ABCA4: variants seen among roughly 807,000 people sequenced by gnomAD.
ABCA4 encodes retinal-specific phospholipid-transporting ATPase ABCA4.
In ABCA4, 196 loss-of-function variants were observed where a neutral mutation model predicts 263.7. The observed-to-expected ratio is 0.74, with a 90% CI of 0.66 to 0.84. The LOEUF is 0.84. ABCA4 is among the 40% of genes least tolerant of loss of function. ABCA4 has a pLI of 0.00. For missense variants in ABCA4, 2,792 were observed against 2,855.1 expected, an observed-to-expected ratio of 0.98 and a Z score of 0.50; for synonymous variants, 1,133 against 1,094.2, an observed-to-expected ratio of 1.04 and a Z score of -0.70.
At chr1:94,056,846 A>G (rs1660997399) in intron 14 of ABCA4, 24 bp from the exon 15 acceptor site, 1 of 1,563,308 alleles carries the variant, frequency 6.4e-7, no homozygotes, top group African/African-American at 1.4e-5. Flanking sequence ...GCCATGCGTC[A>G]GTAACTCCTG....
Position 94,007,735 on chromosome 1 carries a change from A to C in ABCA4, c.5904T>G (p.Phe1968Leu). The C allele has an allele frequency of 6.2e-7, 1 of 1,613,910 alleles. No individual in the cohort carries two copies. Among genetic ancestry groups the C allele is most frequent in the Non-Finnish European group, 8.5e-7 (1 of 1,179,876 alleles). Residue 1968 changes from phenylalanine (F) to leucine (L), a missense_variant, in exon 43 of 50, where the codon TTT becomes TTG. Transcript: ENST00000370225. ...CGGCACCATTCACTCCCAGGAGGCC[A>C]AAGCACTAGGAGAAAACACAGAGCT... ...LCVGVRPGEC[F>L]GLLGVNGAGK...
At chr1:94,009,724 C>T (rs984534418) in intron 40 of ABCA4, among the ~76,000 whole-genome samples, 1 of 152,186 alleles carries the variant, frequency 6.6e-6, no homozygotes, top group African/African-American at 2.4e-5. Flanking sequence ...CCTCTTTAGG[C>T]CCTAAAGCAG....
chr1:94,107,086 C>T (rs1481648883), intron 4 of ABCA4, among the ~76,000 whole-genome samples: 1 of 152,218 alleles, frequency 6.6e-6, no homozygotes, highest in Non-Finnish European at 1.5e-5. Flanking sequence ...CATTCTCCCA[C>T]ATTTCTTGTT....
chr1:94,013,527 G>A (rs1659631827), intron 38 of ABCA4, among the ~76,000 whole-genome samples: 1 of 152,172 alleles, frequency 6.6e-6, no homozygotes, highest in African/African-American at 2.4e-5. Flanking sequence ...AGGCGCCTGG[G>A]GACACAGGCA....
At chr1:94,101,280 G>A (rs891368163) in intron 5 of ABCA4, among the ~76,000 whole-genome samples, 3 of 152,286 alleles carry the variant, frequency 2.0e-5, no homozygotes, top group South Asian at 4.1e-4. Flanking sequence ...TGAGTTTTAC[G>A]AGCTGAAGAG....
chr1:94,050,709 A>G (rs1046905229), intron 17 of ABCA4, among the ~76,000 whole-genome samples: 1 of 152,180 alleles, frequency 6.6e-6, no homozygotes, highest in Non-Finnish European at 1.5e-5. Context: ...AGACAAGTCA[A>G]TACAATGAAA....
chr1:94,033,018 A>C (rs937652171), intron 26 of ABCA4, among the ~76,000 whole-genome samples: 5 of 152,348 alleles, frequency 3.3e-5, no homozygotes, highest in Non-Finnish European at 5.9e-5. Context: ...TGGTAGAAAA[A>C]GTAATGAACT....
chr1:94,019,801 G>A (rs549308332), intron 35 of ABCA4, 42 bp from the exon 36 acceptor site: 1 of 1,586,996 alleles, frequency 6.3e-7, no homozygotes, highest in South Asian at 1.1e-5. Context: ...CGATGAAGAG[G>A]GAAGAGCAGA....
At chr1:94,016,503 AC>A (rs1354037893) in intron 36 of ABCA4, among the ~76,000 whole-genome samples, 1 of 152,080 alleles carries the variant, frequency 6.6e-6, no homozygotes, top group East Asian at 1.9e-4. Flanking sequence ...CAGGGAGAGG[AC>A]GGCATCCACA....
chr1:94,010,688 G>C (rs2101007220), intron 40 of ABCA4, 112 bp downstream of exon 40: 1 of 1,512,812 alleles, frequency 6.6e-7, no homozygotes, highest in East Asian at 2.3e-5. Context: ...TGAGAATGTA[G>C]AAAAAACATT....
At chr1:94,051,541 C>T in intron 17 of ABCA4, 92 bp downstream of exon 17, 1 of 1,177,574 alleles carries the variant, frequency 8.5e-7, no homozygotes, top group Non-Finnish European at 1.3e-6. Context: ...ACACCGTTTA[C>T]ATAGAGGGCC....
chr1:94,052,529 A>T (rs1660866457), intron 16 of ABCA4, among the ~76,000 whole-genome samples: 1 of 152,224 alleles, frequency 6.6e-6, no homozygotes, highest in African/African-American at 2.4e-5. Context: ...GGTGCTGCTC[A>T]GTAAATAGCT....
intron 47 of ABCA4, 84 bp from the exon 48 acceptor site, chr1:93,998,194 A>G: frequency 6.3e-7 from 1 of 1,599,402 alleles, no homozygotes; most frequent in Non-Finnish European, 8.6e-7. Context: ...GACTCATCAG[A>G]AATTTTGGGG....
At chr1:94,030,761 C>T (rs1376282079) in intron 28 of ABCA4, among the ~76,000 whole-genome samples, 1 of 152,222 alleles carries the variant, frequency 6.6e-6, no homozygotes, top group Non-Finnish European at 1.5e-5. Context: ...TTCACCTAAG[C>T]TTTGCATTCC....
chr1:94,116,968 C>CTGTCTTTCTT (rs764312285), intron 1 of ABCA4, among the ~76,000 whole-genome samples: 2 of 100,052 alleles, frequency 2.0e-5, no homozygotes, highest in African/African-American at 8.0e-5. Context: ...TTCTTTCTTT[C>CTGTCTTTCTT]TCTTTCTTTC....
At chr1:94,101,298 A>G (rs1016218000) in intron 5 of ABCA4, among the ~76,000 whole-genome samples, 12 of 151,894 alleles carry the variant, frequency 7.9e-5, no homozygotes, top group African/African-American at 2.9e-4. Flanking sequence ...GAGAAAGCAA[A>G]GGGGAAAATG....
chr1:94,072,725 C>A (rs1185112513), intron 11 of ABCA4, among the ~76,000 whole-genome samples: 1 of 152,110 alleles, frequency 6.6e-6, no homozygotes, highest in Non-Finnish European at 1.5e-5. Flanking sequence ...TTGGAAGGCC[C>A]ATGGGAATGA....
At chr1:94,117,770 C>T (rs1006326269) in intron 1 of ABCA4, among the ~76,000 whole-genome samples, 5 of 152,272 alleles carry the variant, frequency 3.3e-5, no homozygotes, top group African/African-American at 1.2e-4. Flanking sequence ...ACGGTCTCCA[C>T]GTTGTGCTGC....
intron 7 of ABCA4, among the ~76,000 whole-genome samples, chr1:94,082,512 G>A (rs1276601947): frequency 6.6e-6 from 1 of 150,686 alleles, no homozygotes; most frequent in Non-Finnish European, 1.5e-5. Flanking sequence ...GTGAGCATTA[G>A]TACAATGGGC....
Sources: allele counts gnomAD v4.1 joint callset (sites outside exome capture counted in the v4.1 genomes callset), GRCh38; gene constraint gnomAD v4.1.1; transcripts MANE v1.5; gene names NCBI Gene and HGNC (gene_info 2026-07-23, HGNC 2026-07-21).